COMMD10: variants seen among roughly 807,000 people sequenced by gnomAD.
COMMD10 encodes the protein COMM domain-containing protein 10.
Under a neutral mutation model 28.9 loss-of-function variants are expected in COMMD10, and 33 were observed. The ratio of observed to expected loss-of-function variants is 1.14; its 90% confidence interval spans 0.87 to 1.53. The LOEUF (loss-of-function observed/expected upper bound fraction) is 1.53. COMMD10 is among the 40% of genes most tolerant of loss of function. COMMD10 has a pLI of 0.00. For missense variants in COMMD10, 310 were observed against 233.4 expected (o/e 1.33, Z -2.14); for synonymous variants, 110 against 81.7 (o/e 1.35, Z -1.87).
intron 5 of COMMD10, among the ~76,000 whole-genome samples, chr5:116,159,187 C>G (rs1013477290): frequency 6.6e-6 from 1 of 152,112 alleles, no homozygotes; most frequent in Admixed American, 6.5e-5. Context: ...AAGTGAAACC[C>G]AAAGGCCTGT....
At chr5:116,232,352 A>AC (rs1005155116) in intron 5 of COMMD10, among the ~76,000 whole-genome samples, 1 of 152,030 alleles carries the variant, frequency 6.6e-6, no homozygotes, top group Non-Finnish European at 1.5e-5. Flanking sequence ...GTCCTAAAAA[A>AC]AAAAAGGCTT....
chr5:116,235,095 A>G (rs1749627592), intron 5 of COMMD10, among the ~76,000 whole-genome samples: 1 of 152,168 alleles, frequency 6.6e-6, no homozygotes, highest in African/African-American at 2.4e-5. Context: ...CCTTTTATAT[A>G]TATACTTTTA....
intron 4 of COMMD10, among the ~76,000 whole-genome samples, chr5:116,105,922 T>C (rs1025300015): frequency 1.4e-5 from 2 of 141,226 alleles, no homozygotes; most frequent in African/African-American, 2.9e-5. Context: ...CCTGGATTCA[T>C]TGATTTTTTT....
intron 5 of COMMD10, among the ~76,000 whole-genome samples, chr5:116,268,633 T>C (rs1750668137): frequency 6.6e-6 from 1 of 151,908 alleles, no homozygotes; most frequent in African/African-American, 2.4e-5. Context: ...ATCATGCTGC[T>C]ATAAAGACAC....
At chr5:116,192,324 T>A (rs1166428229) in intron 5 of COMMD10, among the ~76,000 whole-genome samples, 1 of 144,462 alleles carries the variant, frequency 6.9e-6, no homozygotes, top group Non-Finnish European at 1.5e-5. Context: ...AAGAAATCCC[T>A]GATTTACCTG....
At chr5:116,224,616 G>A (rs1348701320) in intron 5 of COMMD10, among the ~76,000 whole-genome samples, 1 of 152,088 alleles carries the variant, frequency 6.6e-6, no homozygotes, top group Non-Finnish European at 1.5e-5. Flanking sequence ...AACTCAGAGC[G>A]AGAACTCATT....
chr5:116,085,037 T>G lies in COMMD10; in HGVS notation c.-16T>G, dbSNP rs745521984. On this transcript the variant is annotated 5_prime_UTR_variant, in exon 1 of 7. Coordinates refer to ENST00000274458, the MANE Select transcript of COMMD10 (RefSeq NM_016144.4). ...CGGCGCAGCTAACAGACGGCGGCAG[T>G]GCGAGAAAGCCGAAGATGGCGGTCC... 1 of 1,605,130 alleles carries G rather than the reference T, an allele frequency of 6.2e-7. No individual in the cohort carries two copies. The highest frequency in any genetic ancestry group is 8.5e-7 in the Non-Finnish European group (1 of 1,177,504).
At chr5:116,178,319 T>C (rs939124628) in intron 5 of COMMD10, among the ~76,000 whole-genome samples, 1 of 152,110 alleles carries the variant, frequency 6.6e-6, no homozygotes, top group African/African-American at 2.4e-5. Flanking sequence ...CCTGTGATTC[T>C]AGGTTCTTTC....
chr5:116,144,736 G>A lies in COMMD10; in HGVS notation c.510+10558G>A, dbSNP rs547934628. Among the ~76,000 whole-genome samples, 12 of 151,974 alleles carry A rather than the reference G, an allele frequency of 7.9e-5. No individual in the cohort carries two copies. In the South Asian group the frequency reaches 2.5e-3, roughly 32 times the overall value. ...GACAATTATGATTTCAATAACAATT[G>A]AGAGGAGAAGAAAGAAACCTAATTG... is the stretch of plus-strand genomic sequence containing the variant. On this transcript the variant is annotated intron_variant, in intron 5 of 6. Coordinates refer to ENST00000274458, the MANE Select transcript of COMMD10 (RefSeq NM_016144.4).
At chr5:116,266,389 C>G (rs1479940981) in intron 5 of COMMD10, among the ~76,000 whole-genome samples, 1 of 151,404 alleles carries the variant, frequency 6.6e-6, no homozygotes, top group Non-Finnish European at 1.5e-5. Context: ...AAAGGAGTTG[C>G]CCAAACTGAA....
chr5:116,130,687 A>C (rs530596071), intron 4 of COMMD10, among the ~76,000 whole-genome samples: 1 of 151,952 alleles, frequency 6.6e-6, no homozygotes, highest in African/African-American at 2.4e-5. Context: ...TGGCGACTCT[A>C]ATTTGTCCTT....
chr5:116,249,620 A>C (rs1257024632), intron 5 of COMMD10, among the ~76,000 whole-genome samples: 1 of 152,114 alleles, frequency 6.6e-6, no homozygotes, highest in South Asian at 2.1e-4. Context: ...AAACATTTGA[A>C]TTCTGAAAGA....
At chr5:116,148,998 C>G (rs1490226456) in intron 5 of COMMD10, among the ~76,000 whole-genome samples, 6 of 108,422 alleles carry the variant, frequency 5.5e-5, no homozygotes, top group Admixed American at 1.2e-4. Flanking sequence ...CTATCCCTCC[C>G]CCCTCCCCCC....
rs530981979 is a variant in COMMD10 at position 116,166,998 on chromosome 5, G to T, written c.510+32820G>T. Among the ~76,000 whole-genome samples, 5 of 152,180 alleles carry T rather than the reference G, an allele frequency of 3.3e-5. 1 individual carries two copies. In the South Asian group the frequency reaches 1.0e-3, roughly 32 times the overall value. On this transcript the variant is annotated intron_variant, in intron 5 of 6. Transcript: ENST00000274458. Reference sequence around the variant, plus strand: ...GGGAACATAACTGGTTGGAGAATGAGTTTGACGAATTGACAGAAGTGGGCT... The same window carrying T: ...GGGAACATAACTGGTTGGAGAATGATTTTGACGAATTGACAGAAGTGGGCT...
At chr5:116,242,302 G>A (rs1749834436) in intron 5 of COMMD10, among the ~76,000 whole-genome samples, 1 of 152,212 alleles carries the variant, frequency 6.6e-6, no homozygotes, top group Non-Finnish European at 1.5e-5. Flanking sequence ...TGATATGGTA[G>A]ACAAATTGCC....
chr5:116,216,434 G>A (rs1386257790), intron 5 of COMMD10, among the ~76,000 whole-genome samples: 4 of 152,182 alleles, frequency 2.6e-5, no homozygotes, highest in Admixed American at 6.5e-5. Flanking sequence ...AATAGGTTAT[G>A]TTTTTGTACA....
intron 5 of COMMD10, among the ~76,000 whole-genome samples, chr5:116,203,283 CAG>C (rs1748719987): frequency 6.6e-6 from 1 of 152,052 alleles, no homozygotes; most frequent in Non-Finnish European, 1.5e-5. Flanking sequence ...CTGAAAGTGA[CAG>C]GGAGAATGGA....
intron 5 of COMMD10, among the ~76,000 whole-genome samples, chr5:116,258,476 C>T (rs1750352313): frequency 6.6e-6 from 1 of 151,228 alleles, no homozygotes; most frequent in Non-Finnish European, 1.5e-5. Flanking sequence ...TGGAGTTGAT[C>T]ATTTAATAAT....
intron 5 of COMMD10, among the ~76,000 whole-genome samples, chr5:116,262,303 A>C (rs1297594313): frequency 6.6e-6 from 1 of 151,824 alleles, no homozygotes; most frequent in Non-Finnish European, 1.5e-5. Flanking sequence ...AGTTTTCAAC[A>C]GAATAGAAGT....
Sources: gnomAD v4.1 joint callset for allele counts (sites outside exome capture counted in the v4.1 genomes callset) on GRCh38, gnomAD v4.1.1 for gene constraint, MANE v1.5 for transcripts, NCBI Gene and HGNC (gene_info 2026-07-23, HGNC 2026-07-21) for gene names.